Variants in MICU1 observed in about 807,000 individuals in gnomAD.
MICU1 encodes mitochondrial calcium uptake 1, also known as calcium uptake protein 1, mitochondrial.
In MICU1, 45 loss-of-function variants were observed where a neutral mutation model predicts 56.8. The ratio of observed to expected loss-of-function variants is 0.79; its 90% confidence interval spans 0.62 to 1.02. The LOEUF (loss-of-function observed/expected upper bound fraction) is 1.02. MICU1 is among the 50% of genes least tolerant of loss of function. The probability of loss-of-function intolerance (pLI) is 0.00; values close to 1 mark genes in which losing one functional copy is unlikely to be tolerated. For synonymous variants in MICU1, 186 were observed against 195.1 expected, an observed-to-expected ratio of 0.95 and a Z score of 0.39; for missense variants, 504 against 587.1, an observed-to-expected ratio of 0.86 and a Z score of 1.46.
chr10:72,476,202 G>A (rs1376273385), intron 7 of MICU1, among the ~76,000 whole-genome samples: 2 of 148,748 alleles, frequency 1.3e-5, no homozygotes, highest in Non-Finnish European at 3.0e-5. Flanking sequence ...ACTCCAACCT[G>A]GGTGACAGAG....
At chr10:72,473,697 A>T (rs2132264698) in intron 8 of MICU1, among the ~76,000 whole-genome samples, 1 of 152,296 alleles carries the variant, frequency 6.6e-6, no homozygotes, top group South Asian at 2.1e-4. Flanking sequence ...CTCCGCACAG[A>T]AAGTGGCTCT....
At chr10:72,502,146 GTTTTTTTTTTTGTTTTT>G (rs1226582489) in intron 6 of MICU1, among the ~76,000 whole-genome samples, 1 of 88,374 alleles carries the variant, frequency 1.1e-5, no homozygotes, top group African/African-American at 3.1e-5. Context: ...TTGTTTTGCT[GTTTTTTTTTTTGTTTTT>G]TTTTTTTTTT....
At chr10:72,445,587 T>G (rs1009841540) in intron 8 of MICU1, among the ~76,000 whole-genome samples, 1 of 152,206 alleles carries the variant, frequency 6.6e-6, no homozygotes, top group African/African-American at 2.4e-5. Context: ...ACATATTCCC[T>G]GTTTTGGCTC....
chr10:72,554,374 T>C (rs1253839749), intron 3 of MICU1, among the ~76,000 whole-genome samples: 1 of 152,202 alleles, frequency 6.6e-6, no homozygotes, highest in Non-Finnish European at 1.5e-5. Flanking sequence ...CCACCACTAA[T>C]CTTGCTGCAG....
chr10:72,524,686 G>A, intron 5 of MICU1: 1 of 1,214,462 alleles, frequency 8.2e-7, no homozygotes. Context: ...GCATTACTAT[G>A]GATTTTGGAG....
intron 1 of MICU1, among the ~76,000 whole-genome samples, chr10:72,611,105 C>T (rs1307402828): frequency 6.7e-6 from 1 of 149,180 alleles, no homozygotes; most frequent in African/African-American, 2.5e-5. Context: ...GCGATGGAGA[C>T]TATCCTGGCT....
chr10:72,474,258 C>CAAAAA lies in MICU1; in HGVS notation c.933+837_933+841dup, dbSNP rs55978543. On this transcript the variant is annotated intron_variant, in intron 8 of 11. Transcript: ENST00000361114. Reference sequence around the variant, plus strand: ...CCTGGCTGATGGAGTAGGACTGTCTCAAAAAAAAAAAAAAAAAAAAAAAAA... The same window carrying CAAAAA: ...CCTGGCTGATGGAGTAGGACTGTCTCAAAAAAAAAAAAAAAAAAAAAAAAAAAAAA... 7.6e-4 allele frequency among the ~76,000 whole-genome samples: 46 copies of CAAAAA among 60,730 alleles called. 1 individual carries two copies. The highest frequency in any genetic ancestry group is 1.8e-3 in the South Asian group (2 of 1,096). 39.8% of individuals were successfully genotyped at this position (60,730 alleles called of 152,430 possible). A position where few individuals can be genotyped will look rare whatever the true frequency, so the allele number is the denominator to read the frequency against.
At chr10:72,586,502 T>C (rs1316162148) in intron 1 of MICU1, among the ~76,000 whole-genome samples, 1 of 151,646 alleles carries the variant, frequency 6.6e-6, no homozygotes, top group Non-Finnish European at 1.5e-5. Flanking sequence ...AATACAAAAA[T>C]TTAGCCGGGC....
chr10:72,411,420 CG>C (rs1863810552), intron 9 of MICU1, among the ~76,000 whole-genome samples: 1 of 151,884 alleles, frequency 6.6e-6, no homozygotes, highest in African/African-American at 2.4e-5. Flanking sequence ...TTCCGCCTCC[CG>C]GGTTCACGCC....
At chr10:72,528,094 G>A (rs775140768) in intron 5 of MICU1, among the ~76,000 whole-genome samples, 3 of 152,090 alleles carry the variant, frequency 2.0e-5, no homozygotes, top group South Asian at 2.1e-4. Context: ...CCAAAGTGCC[G>A]CGATTACAGG....
intron 8 of MICU1, among the ~76,000 whole-genome samples, chr10:72,432,336 C>T (rs954909143): frequency 3.3e-5 from 5 of 152,056 alleles, no homozygotes; most frequent in Non-Finnish European, 5.9e-5. Context: ...TCCTCTGTTG[C>T]CCAGGATGGT....
intron 8 of MICU1, 32 bp from the exon 9 acceptor site, chr10:72,423,403 G>A (rs764029166): frequency 1.2e-6 from 2 of 1,605,288 alleles, no homozygotes; most frequent in Non-Finnish European, 1.7e-6. Flanking sequence ...TGTTCCTAGG[G>A]TCAATGGAAA....
intron 5 of MICU1, among the ~76,000 whole-genome samples, chr10:72,522,152 A>G (rs1034435239): frequency 2.0e-5 from 3 of 152,142 alleles, no homozygotes; most frequent in African/African-American, 7.2e-5. Flanking sequence ...AGAGAAGGAG[A>G]AATAACTTGT....
chr10:72,544,417 A>G (rs1839850363), intron 4 of MICU1, among the ~76,000 whole-genome samples: 1 of 152,120 alleles, frequency 6.6e-6, no homozygotes, highest in Non-Finnish European at 1.5e-5. Flanking sequence ...AAATCACAAT[A>G]TGATCTGTGT....
At chr10:72,448,458 G>A (rs192251055) in intron 8 of MICU1, among the ~76,000 whole-genome samples, 7 of 151,286 alleles carry the variant, frequency 4.6e-5, no homozygotes, top group Admixed American at 2.7e-4. Flanking sequence ...ACAGGTGTGA[G>A]CCACCGCACC....
At chr10:72,410,818 T>G (rs185299426) in intron 9 of MICU1, among the ~76,000 whole-genome samples, 2 of 152,314 alleles carry the variant, frequency 1.3e-5, no homozygotes, top group South Asian at 4.1e-4. Context: ...TGCTATTTAA[T>G]GTAGGCACTA....
At chr10:72,411,784 T>C (rs1863823768) in intron 9 of MICU1, among the ~76,000 whole-genome samples, 1 of 152,178 alleles carries the variant, frequency 6.6e-6, no homozygotes, top group Non-Finnish European at 1.5e-5. Context: ...TGTTAGTTTC[T>C]AACTAACACT....
chr10:72,492,888 G>A (rs1235725778), intron 6 of MICU1, among the ~76,000 whole-genome samples: 1 of 152,028 alleles, frequency 6.6e-6, no homozygotes, highest in African/African-American at 2.4e-5. Flanking sequence ...AGGCCGAGGC[G>A]AGTGGATCAC....
intron 5 of MICU1, among the ~76,000 whole-genome samples, chr10:72,520,959 G>T (rs960630218): frequency 2.0e-5 from 3 of 152,038 alleles, no homozygotes; most frequent in Admixed American, 6.6e-5. Flanking sequence ...TATGTTTTAT[G>T]ACTTGATTAT....
Sources: gnomAD v4.1 joint callset for allele counts (sites outside exome capture counted in the v4.1 genomes callset) on GRCh38, gnomAD v4.1.1 for gene constraint, MANE v1.5 for transcripts, NCBI Gene and HGNC (gene_info 2026-07-23, HGNC 2026-07-21) for gene names.